The following ECPAS variants were observed in gnomAD, a reference collection of about 807,000 sequenced individuals.
ECPAS encodes the protein proteasome adapter and scaffold protein ECM29.
In ECPAS, 70 loss-of-function variants were observed where a neutral mutation model predicts 255.1. The ratio of observed to expected loss-of-function variants is 0.27; its 90% CI spans 0.23 to 0.33. The LOEUF (loss-of-function observed/expected upper bound fraction) is 0.33. ECPAS is among the 10% of genes least tolerant of loss of function. The pLI is 1.00. For missense variants in ECPAS, 1,817 were observed against 2,206.4 expected (o/e 0.82, Z 3.54); for synonymous variants, 784 against 775.0 (o/e 1.01, Z -0.19).
At chr9:111,475,614 T>C (rs541307677) in intron 1 of ECPAS, among the ~76,000 whole-genome samples, 3 of 152,192 alleles carry the variant, frequency 2.0e-5, no homozygotes, top group African/African-American at 7.2e-5. Flanking sequence ...GCACGCCTTG[T>C]AGTCCCAGCT....
At chr9:111,403,713 G>C (rs886731103) in intron 24 of ECPAS, among the ~76,000 whole-genome samples, 5 of 149,970 alleles carry the variant, frequency 3.3e-5, no homozygotes, top group African/African-American at 1.3e-4. Flanking sequence ...CATTCAGACA[G>C]AAAATCAAAC....
intron 2 of ECPAS, among the ~76,000 whole-genome samples, chr9:111,472,365 CT>C (rs1239974232): frequency 3.3e-5 from 5 of 151,694 alleles, no homozygotes; most frequent in Admixed American, 3.3e-4. Context: ...CACCCATCGT[CT>C]TTTCCTTGTG....
At chr9:111,434,758 ATTTTTG>A in intron 7 of ECPAS, among the ~76,000 whole-genome samples, 1 of 151,756 alleles carries the variant, frequency 6.6e-6, no homozygotes, top group East Asian at 1.9e-4. Flanking sequence ...TGCCCGGCTA[ATTTTTG>A]TTTTTGTTTT....
chr9:111,441,350 A>C (rs2098245754), intron 5 of ECPAS, among the ~76,000 whole-genome samples: 1 of 152,004 alleles, frequency 6.6e-6, no homozygotes, highest in South Asian at 2.1e-4. Context: ...CTAAAAATAC[A>C]AAAAGTTTGC....
At chr9:111,415,350 A>C (rs1313552011) in intron 18 of ECPAS, among the ~76,000 whole-genome samples, 1 of 152,082 alleles carries the variant, frequency 6.6e-6, no homozygotes, top group Non-Finnish European at 1.5e-5. Context: ...TTGACACAAG[A>C]ATCTGAGAAA....
At chr9:111,367,216 G>A (rs1746692805) in intron 46 of ECPAS, among the ~76,000 whole-genome samples, 1 of 152,090 alleles carries the variant, frequency 6.6e-6, no homozygotes, top group Non-Finnish European at 1.5e-5. Flanking sequence ...AATTACTGTA[G>A]GATTTAGTAG....
At chr9:111,409,735 A>G (rs978032840) in intron 23 of ECPAS, among the ~76,000 whole-genome samples, 1 of 152,114 alleles carries the variant, frequency 6.6e-6, no homozygotes, top group African/African-American at 2.4e-5. Flanking sequence ...ATTACTTAAC[A>G]TTTTATTATA....
At chr9:111,365,800 A>G (rs2131468858) in intron 48 of ECPAS, 1 of 158,120 alleles carries the variant, frequency 6.3e-6, no homozygotes, top group Non-Finnish European at 1.4e-5. Context: ...GTGGCACACT[A>G]AATAATTGAG....
At chr9:111,459,512 A>G (rs975761519) in intron 2 of ECPAS, among the ~76,000 whole-genome samples, 1 of 152,216 alleles carries the variant, frequency 6.6e-6, no homozygotes, top group African/African-American at 2.4e-5. Context: ...AATATGAATT[A>G]TTAGTAGAAT....
In ECPAS at chr9:111,372,629, G is replaced by C; in HGVS notation, c.4337-9C>G. 1 of 1,593,790 alleles carries C rather than the reference G, an allele frequency of 6.3e-7. No individual in the cohort carries two copies. On this transcript the variant is annotated splice_polypyrimidine_tract_variant and intron_variant, in intron 41 of 49. Transcript: ENST00000684092. ...GGTCTTGTAGATAGGTTCTGAAAAG[G>C]AGAAACCAAAATCTTTACGATATTT... is the stretch of plus-strand genomic sequence containing the variant.
intron 1 of ECPAS, among the ~76,000 whole-genome samples, chr9:111,478,613 A>G (rs1339678431): frequency 1.3e-5 from 2 of 152,240 alleles, no homozygotes; most frequent in Non-Finnish European, 2.9e-5. Flanking sequence ...AAAGTGTGGT[A>G]GCAGATATAA....
At chr9:111,363,730 G>A (rs1405852040) in intron 48 of ECPAS, 71 bp from the exon 49 acceptor site, 3 of 768,998 alleles carry the variant, frequency 3.9e-6, no homozygotes, top group Non-Finnish European at 6.5e-6. Context: ...AATTTGTGTT[G>A]CTGAAAGAAA....
intron 2 of ECPAS, among the ~76,000 whole-genome samples, chr9:111,454,979 C>T (rs2131983066): frequency 6.6e-6 from 1 of 152,268 alleles, no homozygotes; most frequent in African/African-American, 2.4e-5. Context: ...AAGCGATCCT[C>T]ATACTTTGGC....
At chr9:111,439,187 G>A (rs1205177794) in intron 6 of ECPAS, among the ~76,000 whole-genome samples, 1 of 152,192 alleles carries the variant, frequency 6.6e-6, no homozygotes, top group Non-Finnish European at 1.5e-5. Flanking sequence ...AAATAGTGCA[G>A]TTATATCTGT....
intron 24 of ECPAS, among the ~76,000 whole-genome samples, chr9:111,407,993 G>C (rs951387089): frequency 6.6e-6 from 1 of 152,178 alleles, no homozygotes; most frequent in Non-Finnish European, 1.5e-5. Context: ...GGCTTTTCAA[G>C]GAGCACAGCA....
intron 34 of ECPAS, 119 bp downstream of exon 34, chr9:111,384,403 C>T (rs73656237): frequency 0.027 from 23,437 of 860,020 alleles, 1,119 homozygotes; most frequent in African/African-American, 0.15. Context: ...CAGTGAACTA[C>T]AACATGAAGC....
At chr9:111,427,552 A>ATTTCAGATTT (rs2098223594) in intron 10 of ECPAS, among the ~76,000 whole-genome samples, 1 of 152,198 alleles carries the variant, frequency 6.6e-6, no homozygotes, top group Non-Finnish European at 1.5e-5. Context: ...GTGTTTTGAG[A>ATTTCAGATTT]TTTCAGATTT....
intron 18 of ECPAS, 94 bp from the exon 19 acceptor site, chr9:111,414,745 AC>A: frequency 1.8e-6 from 2 of 1,102,082 alleles, no homozygotes; most frequent in Non-Finnish European, 2.6e-6. Context: ...GTTTTGATTC[AC>A]CCACACTTCT....
intron 2 of ECPAS, among the ~76,000 whole-genome samples, chr9:111,472,362 C>T (rs567342358): frequency 2.0e-5 from 3 of 151,464 alleles, no homozygotes; most frequent in Admixed American, 1.3e-4. Context: ...GATCACCCAT[C>T]GTCTTTTCCT....
Sources: gnomAD v4.1 joint callset for allele counts (sites outside exome capture counted in the v4.1 genomes callset) on GRCh38, gnomAD v4.1.1 for gene constraint, MANE v1.5 for transcripts, NCBI Gene and HGNC (gene_info 2026-07-23, HGNC 2026-07-21) for gene names.